The following PLA2G6 variants were observed in gnomAD, a reference collection of about 807,000 sequenced individuals.
The protein encoded by PLA2G6 is phospholipase A2 group VI, also known as 85/88 kDa calcium-independent phospholipase A2.
A neutral mutation model predicts 83.8 loss-of-function variants in PLA2G6; 62 were observed. The observed-to-expected ratio is 0.74, with a 90% CI of 0.60 to 0.91. The LOEUF (loss-of-function observed/expected upper bound fraction) is 0.91, where lower values mean the gene tolerates loss of function less well. PLA2G6 is among the 40% of genes least tolerant of loss of function. PLA2G6 has a pLI of 0.00. For synonymous variants in PLA2G6, 417 were observed against 449.8 expected (o/e 0.93, Z 0.92); for missense variants, 944 against 1,102.0 (o/e 0.86, Z 2.03).
At chr22:38,148,703 T>C in intron 2 of PLA2G6, 1 of 611,754 alleles carries the variant, frequency 1.6e-6, no homozygotes, top group Admixed American at 3.0e-5. Flanking sequence ...GGAATAAGGG[T>C]GAGCCATACA....
chr22:38,143,013 C>T (rs2089011271), intron 4 of PLA2G6, 92 bp downstream of exon 4: 1 of 1,178,144 alleles, frequency 8.5e-7, no homozygotes, highest in African/African-American at 1.5e-5. Context: ...CAGTGAGAGG[C>T]CTGAGAGTGA....
intron 1 of PLA2G6, among the ~76,000 whole-genome samples, chr22:38,173,825 G>A (rs1602285433): frequency 6.6e-6 from 1 of 152,116 alleles, no homozygotes; most frequent in East Asian, 1.9e-4. Context: ...TGAGGCAGAC[G>A]GATTGCTTGA....
intron 7 of PLA2G6, chr22:38,130,167 T>A (rs1451048427): frequency 4.4e-5 from 8 of 183,896 alleles, no homozygotes; most frequent in Non-Finnish European, 8.1e-5. Context: ...CACCTTCCTC[T>A]TCTTGGGACC....
intron 1 of PLA2G6, 138 bp from the exon 2 acceptor site, chr22:38,169,609 A>G (rs1057272496): frequency 3.8e-5 from 24 of 639,254 alleles, no homozygotes; most frequent in Non-Finnish European, 6.2e-5. Flanking sequence ...GAGGGATCTT[A>G]AAAGGAGGGG....
chr22:38,131,121 C>A (rs2088185815), intron 7 of PLA2G6: 1 of 152,200 alleles, frequency 6.6e-6, no homozygotes, highest in African/African-American at 2.4e-5. Context: ...AGTCTATCAG[C>A]AGTTCTTAAA....
chr22:38,168,299 A>G (rs2090300202), intron 2 of PLA2G6, among the ~76,000 whole-genome samples: 1 of 152,346 alleles, frequency 6.6e-6, no homozygotes, highest in Admixed American at 6.5e-5. Context: ...AGGTGAGCGG[A>G]AACAGGGATA....
chr22:38,140,059 C>T lies in PLA2G6; in HGVS notation c.720G>A (p.Leu240=). Residue 240 remains leucine, a synonymous_variant, in exon 5 of 17, where the codon CTG becomes CTA. Coordinates refer to ENST00000332509, the MANE Select transcript of PLA2G6 (RefSeq NM_003560.4). ...TGATGTTGCACCGAGCATTGCACAG[C>T]AGCAGCACGCGGACCATCTCCTGCT... ...LGKQEMVRVL[L]LCNARCNIMG... is the part of the protein sequence containing the mutation. 1 of 1,613,862 alleles carries T rather than the reference C, an allele frequency of 6.2e-7. No individual in the cohort carries two copies. Among genetic ancestry groups the T allele is most frequent in the Non-Finnish European group, 8.5e-7 (1 of 1,179,904 alleles).
chr22:38,122,462 G>A (rs1437271801), intron 11 of PLA2G6, among the ~76,000 whole-genome samples: 3 of 152,156 alleles, frequency 2.0e-5, no homozygotes, highest in Non-Finnish European at 4.4e-5. Flanking sequence ...CCGGCTATCT[G>A]TCCAGCAAGC....
chr22:38,116,332 T>C, intron 12 of PLA2G6, 121 bp from the exon 13 acceptor site: 1 of 1,096,570 alleles, frequency 9.1e-7, no homozygotes, highest in Non-Finnish European at 1.4e-6. Flanking sequence ...CTGTTCGGGA[T>C]AGGTGGGCTT....
At chr22:38,119,177 G>GCCAC (rs1168818054) in intron 12 of PLA2G6, among the ~76,000 whole-genome samples, 1 of 152,132 alleles carries the variant, frequency 6.6e-6, no homozygotes, top group Non-Finnish European at 1.5e-5. Context: ...TGGAGGATCT[G>GCCAC]CCACCCAGAC....
intron 5 of PLA2G6, chr22:38,135,560 A>ACC: frequency 6.2e-6 from 1 of 162,212 alleles, no homozygotes. Context: ...ACAGAGTGGG[A>ACC]AAGAGCACAA....
intron 12 of PLA2G6, 69 bp from the exon 13 acceptor site, chr22:38,116,280 C>A: frequency 6.4e-7 from 1 of 1,565,858 alleles, no homozygotes; most frequent in South Asian, 1.1e-5. Context: ...CCCCACAATT[C>A]ACACCCCAGG....
chr22:38,153,282 A>G (rs1216546864), intron 2 of PLA2G6, among the ~76,000 whole-genome samples: 1 of 152,190 alleles, frequency 6.6e-6, no homozygotes, highest in Non-Finnish European at 1.5e-5. Context: ...AAATACAAAA[A>G]TTAGCCAGGC....
chr22:38,113,263 C>A (rs950938087), intron 15 of PLA2G6, among the ~76,000 whole-genome samples: 5 of 152,176 alleles, frequency 3.3e-5, no homozygotes, highest in African/African-American at 1.2e-4. Flanking sequence ...AAGGGATCCG[C>A]AGCTAAAAAG....
At chr22:38,178,557 T>C (rs756478738) in intron 1 of PLA2G6, among the ~76,000 whole-genome samples, 3 of 151,714 alleles carry the variant, frequency 2.0e-5, no homozygotes, top group Non-Finnish European at 2.9e-5. Context: ...TGAGCGACAG[T>C]GAGACCCTGT....
intron 12 of PLA2G6, among the ~76,000 whole-genome samples, chr22:38,120,067 T>G (rs1200860878): frequency 6.6e-6 from 1 of 152,156 alleles, no homozygotes; most frequent in Non-Finnish European, 1.5e-5. Context: ...GGACACTCAC[T>G]TTCAAAATAT....
chr22:38,154,608 A>C (rs1182905232), intron 2 of PLA2G6, among the ~76,000 whole-genome samples: 1 of 152,194 alleles, frequency 6.6e-6, no homozygotes, highest in Non-Finnish European at 1.5e-5. Flanking sequence ...CACAATACCC[A>C]AGTCCCTTTT....
intron 2 of PLA2G6, among the ~76,000 whole-genome samples, chr22:38,159,725 A>AAGGAAGGAAGGAAGGAAGGAAGG (rs2089933491): frequency 2.8e-5 from 4 of 143,104 alleles, no homozygotes; most frequent in African/African-American, 1.1e-4. Flanking sequence ...GAGATAGATG[A>AAGGAAGGAAGGAAGGAAGGAAGG]AAGGAAGGAA....
Position 38,128,330 on chromosome 22 carries a change from C to T in PLA2G6, c.1287G>A (p.Ala429=), listed in dbSNP as rs183891529. 1.5e-5 allele frequency: 25 copies of T among 1,613,380 alleles called. No homozygotes were observed. Among genetic ancestry groups the T allele is most frequent in the African/African-American group, 6.7e-5 (5 of 75,000 alleles). ...TTTCCAGGGAGAAGGGATGATGTGG[C>T]GCTGCAGAGCCCTGCTCCGCGGGGA... ...HGVPAEQGSA[A]PHHPFSLERA... is the part of the protein sequence containing the mutation. Residue 429 remains alanine, a synonymous_variant, in exon 9 of 17, where the codon GCG becomes GCA. Coordinates refer to ENST00000332509, the MANE Select transcript of PLA2G6 (RefSeq NM_003560.4). The surrounding 1 kb of genome is among the most constrained non-coding windows in gnomAD (Gnocchi z 4.4).
Sources: gnomAD v4.1 joint callset for allele counts (sites outside exome capture counted in the v4.1 genomes callset) on GRCh38, gnomAD v4.1.1 for gene constraint, Gnocchi (gnomAD v3.1) non-coding constraint, MANE v1.5 for transcripts, NCBI Gene and HGNC (gene_info 2026-07-23, HGNC 2026-07-21) for gene names.